ZFP1: variants seen among roughly 807,000 people sequenced by gnomAD.
ZFP1 encodes ZFP1 zinc finger protein.
A neutral mutation model predicts 38.5 loss-of-function variants in ZFP1; 32 were observed. The observed-to-expected ratio is 0.83, with a 90% CI of 0.63 to 1.12. The LOEUF (loss-of-function observed/expected upper bound fraction) is 1.12, where lower values mean the gene tolerates loss of function less well. Ranked by LOEUF, ZFP1 falls within the 50% of genes most tolerant of loss-of-function variation. The pLI is 0.00. For synonymous variants in ZFP1, 245 were observed against 168.8 expected, an observed-to-expected ratio of 1.45 and a Z score of -3.50; for missense variants, 616 against 480.8, an observed-to-expected ratio of 1.28 and a Z score of -2.63.
At chr16:75,137,000 G>A in the ZFP1 span, among the ~76,000 whole-genome samples, 22 of 152,240 alleles carry the variant, frequency 1.4e-4, no homozygotes, top group Non-Finnish European at 2.6e-4. Context: ...AATACCCTAA[G>A]AAGCAAGGAG....
intron 3 of ZFP1, among the ~76,000 whole-genome samples, chr16:75,168,719 A>G (rs79812183): frequency 0.034 from 5,118 of 152,276 alleles, 306 homozygotes; most frequent in African/African-American, 0.12. Context: ...GTTCTCTGGA[A>G]ATCATTTTGG....
At chr16:75,138,024 C>CTTTTTTTTTTTTT in the ZFP1 span, among the ~76,000 whole-genome samples, 4 of 64,936 alleles carry the variant, frequency 6.2e-5, 1 homozygote, top group African/African-American at 3.0e-4. Flanking sequence ...CTCCCACTTC[C>CTTTTTTTTTTTTT]TTTTTTTTTT....
the ZFP1 span, chr16:75,127,980 G>C: frequency 6.6e-6 from 1 of 152,180 alleles, no homozygotes; most frequent in Non-Finnish European, 1.5e-5. Flanking sequence ...TGACAATACA[G>C]TTATTTGCAT....
chr16:75,123,455 G>GTATGTATATATATATATATATATA, the ZFP1 span, among the ~76,000 whole-genome samples: 1 of 87,288 alleles, frequency 1.1e-5, no homozygotes. Flanking sequence ...GTGTGTATAT[G>GTATGTATATATATATATATATATA]TATATATATA....
At chr16:75,147,554 T>C (rs2036968422), upstream of ZFP1, among the ~76,000 whole-genome samples, 3 of 151,900 alleles carry the variant, frequency 2.0e-5, no homozygotes, top group Admixed American at 2.0e-4. Context: ...CCCAAAGTGC[T>C]AGGATTACAG....
chr16:75,163,447 G>T (rs995101899), intron 2 of ZFP1, among the ~76,000 whole-genome samples: 2 of 151,714 alleles, frequency 1.3e-5, no homozygotes, highest in Non-Finnish European at 2.9e-5. Flanking sequence ...GAGTAGCTGA[G>T]ACTACAGGTG....
upstream of ZFP1, among the ~76,000 whole-genome samples, chr16:75,146,455 C>G (rs1188124211): frequency 2.6e-5 from 4 of 152,326 alleles, no homozygotes; most frequent in East Asian, 7.7e-4. Flanking sequence ...GCGTGAGCCA[C>G]TGCACCCGGC....
intron 2 of ZFP1, among the ~76,000 whole-genome samples, chr16:75,164,159 T>TA (rs1329458232): frequency 6.6e-6 from 1 of 152,250 alleles, no homozygotes; most frequent in Non-Finnish European, 1.5e-5. Flanking sequence ...GTTTATATTT[T>TA]AGCTGGATCA....
chr16:75,137,003 G>A, the ZFP1 span, among the ~76,000 whole-genome samples: 1 of 152,122 alleles, frequency 6.6e-6, no homozygotes. Flanking sequence ...ACCCTAAGAA[G>A]CAAGGAGCCC....
At chr16:75,129,164 CTTT>C in the ZFP1 span, among the ~76,000 whole-genome samples, 7 of 152,104 alleles carry the variant, frequency 4.6e-5, no homozygotes, top group Admixed American at 2.0e-4. Context: ...CAGGATTGTT[CTTT>C]TGTTTGTTGT....
chr16:75,120,862 T>C, the ZFP1 span, among the ~76,000 whole-genome samples: 1 of 152,100 alleles, frequency 6.6e-6, no homozygotes, highest in Non-Finnish European at 1.5e-5. Context: ...CCTGACCTCA[T>C]GATCCGCCCG....
At chr16:75,164,355 A>G (rs2037945534) in intron 2 of ZFP1, among the ~76,000 whole-genome samples, 2 of 152,086 alleles carry the variant, frequency 1.3e-5, no homozygotes, top group Non-Finnish European at 2.9e-5. Flanking sequence ...GTACTTTCCT[A>G]TTTTAAACAA....
the ZFP1 span, among the ~76,000 whole-genome samples, chr16:75,130,996 T>A: frequency 1.3e-5 from 2 of 152,190 alleles, no homozygotes; most frequent in African/African-American, 4.8e-5. Flanking sequence ...TGATATCCAT[T>A]TATCATCTTT....
chr16:75,156,167 G>A (rs907746928), intron 2 of ZFP1, among the ~76,000 whole-genome samples: 1 of 152,116 alleles, frequency 6.6e-6, no homozygotes, highest in East Asian at 1.9e-4. Context: ...TTTGGCTACT[G>A]TTGGGGCCAG....
chr16:75,130,968 C>A, the ZFP1 span, among the ~76,000 whole-genome samples: 1 of 152,124 alleles, frequency 6.6e-6, no homozygotes, highest in Admixed American at 6.6e-5. Flanking sequence ...CCCCACAGAT[C>A]TGGCACCTTT....
chr16:75,144,018 C>T (rs2036916652), upstream of ZFP1: 1 of 152,196 alleles, frequency 6.6e-6, no homozygotes, highest in African/African-American at 2.4e-5. Context: ...TTTAGAACCT[C>T]TGCATGAGCT....
intron 2 of ZFP1, among the ~76,000 whole-genome samples, chr16:75,160,950 T>C (rs779678930): frequency 7.9e-5 from 12 of 152,142 alleles, no homozygotes; most frequent in East Asian, 1.9e-4. Flanking sequence ...CAATACTTAA[T>C]TGGGGATTAA....
intron 1 of ZFP1, chr16:75,148,931 TCGGGCC>T (rs1363072452): frequency 1.3e-5 from 2 of 151,846 alleles, no homozygotes; most frequent in East Asian, 2.0e-4. Context: ...GGCGAAGGGC[TCGGGCC>T]GCGCGGGAGC....
the ZFP1 span, among the ~76,000 whole-genome samples, chr16:75,140,267 TC>T: frequency 1.8e-5 from 2 of 109,212 alleles, no homozygotes; most frequent in East Asian, 4.1e-4. Flanking sequence ...AAACTCCATC[TC>T]AAAAAAAAAA....
Sources: gnomAD v4.1 joint callset for allele counts (sites outside exome capture counted in the v4.1 genomes callset) on GRCh38, gnomAD v4.1.1 for gene constraint, MANE v1.5 for transcripts, NCBI Gene and HGNC (gene_info 2026-07-23, HGNC 2026-07-21) for gene names.